The following ERI3 variants were observed in gnomAD, a reference collection of about 807,000 sequenced individuals.
The protein encoded by ERI3 is ERI1 exoribonuclease family member 3, also known as ERI1 exoribonuclease 3.
A neutral mutation model predicts 44.4 loss-of-function variants in ERI3; 18 were observed. That is an observed-to-expected ratio of 0.41 (90% CI 0.28 to 0.60). ERI3 has a LOEUF of 0.60. Ranked by LOEUF, ERI3 falls within the 20% of genes least tolerant of loss-of-function variation. The probability of loss-of-function intolerance (pLI) is 0.36; values close to 1 mark genes in which losing one functional copy is unlikely to be tolerated. For synonymous variants in ERI3, 183 were observed against 164.8 expected (o/e 1.11, Z -0.84); for missense variants, 294 against 435.5 (o/e 0.68, Z 2.89).
chr1:44,230,821 G>C (rs1279788008), intron 8 of ERI3, among the ~76,000 whole-genome samples: 1 of 152,122 alleles, frequency 6.6e-6, no homozygotes, highest in Admixed American at 6.5e-5. Context: ...CTTCTCCATT[G>C]TATCTAATTT....
intron 8 of ERI3, among the ~76,000 whole-genome samples, chr1:44,225,349 C>T (rs1240462430): frequency 6.6e-6 from 1 of 152,178 alleles, no homozygotes; most frequent in Admixed American, 6.5e-5. Context: ...CCTCAGCTCA[C>T]TGCAACCTCT....
chr1:44,247,901 T>C, intron 8 of ERI3, 38 bp downstream of exon 8: 8 of 1,554,098 alleles, frequency 5.1e-6, no homozygotes, highest in Non-Finnish European at 7.0e-6. Context: ...CAAGGGACGA[T>C]GGATGGAGCT....
intron 6 of ERI3, among the ~76,000 whole-genome samples, chr1:44,289,185 G>C (rs2154323823): frequency 6.6e-6 from 1 of 152,340 alleles, no homozygotes; most frequent in South Asian, 2.1e-4. Flanking sequence ...CCATAAAAAG[G>C]AATGAGATTT....
chr1:44,347,498 C>G (rs892385295), intron 2 of ERI3, among the ~76,000 whole-genome samples: 1 of 152,132 alleles, frequency 6.6e-6, no homozygotes. Flanking sequence ...AAACGCTGCT[C>G]CCTATTTTGG....
intron 4 of ERI3, 124 bp from the exon 5 acceptor site, chr1:44,313,352 T>C: frequency 2.4e-6 from 2 of 838,232 alleles, no homozygotes; most frequent in South Asian, 1.6e-5. Flanking sequence ...GGCACTGCTT[T>C]AGGTTCAGAG....
At chr1:44,338,499 C>T (rs1373657382) in intron 3 of ERI3, among the ~76,000 whole-genome samples, 1 of 152,212 alleles carries the variant, frequency 6.6e-6, no homozygotes, top group Non-Finnish European at 1.5e-5. Context: ...AGTGTCCTGG[C>T]AGCATGACAG....
chr1:44,298,511 A>G (rs1330142400), intron 6 of ERI3, among the ~76,000 whole-genome samples: 1 of 152,262 alleles, frequency 6.6e-6, no homozygotes, highest in Non-Finnish European at 1.5e-5. Context: ...AAAAGAATAA[A>G]TAAAATGTAG....
intron 3 of ERI3, among the ~76,000 whole-genome samples, chr1:44,333,436 C>A (rs990129529): frequency 8.5e-5 from 13 of 152,210 alleles, no homozygotes; most frequent in African/African-American, 2.7e-4. Context: ...CCATCCCTCC[C>A]CACTGGAGGA....
At chr1:44,304,511 T>C (rs942307645) in intron 6 of ERI3, among the ~76,000 whole-genome samples, 2 of 152,144 alleles carry the variant, frequency 1.3e-5, no homozygotes, top group Admixed American at 1.3e-4. Context: ...TGTTGAGCAA[T>C]GCCAAGAGGA....
chr1:44,341,292 A>C (rs938666390), intron 2 of ERI3, among the ~76,000 whole-genome samples: 2 of 152,232 alleles, frequency 1.3e-5, no homozygotes, highest in African/African-American at 4.8e-5. Flanking sequence ...GAACAAAATG[A>C]GACAACACAT....
chr1:44,280,526 TTTA>T (rs1645264416), intron 7 of ERI3, among the ~76,000 whole-genome samples: 1 of 152,200 alleles, frequency 6.6e-6, no homozygotes, highest in Non-Finnish European at 1.5e-5. Flanking sequence ...GGTGATATTT[TTTA>T]TTATCACAAC....
chr1:44,306,415 C>T (rs562644087), intron 6 of ERI3, among the ~76,000 whole-genome samples: 4 of 152,140 alleles, frequency 2.6e-5, no homozygotes, highest in South Asian at 2.1e-4. Context: ...GGTGCGGATG[C>T]GGTAAGGTAT....
intron 6 of ERI3, among the ~76,000 whole-genome samples, chr1:44,288,238 A>G (rs965501432): frequency 1.2e-4 from 18 of 152,166 alleles, no homozygotes; most frequent in African/African-American, 3.9e-4. Flanking sequence ...ACTGATGCAC[A>G]TGGGGGTTAG....
At chr1:44,342,850 T>TATATAA in intron 2 of ERI3, among the ~76,000 whole-genome samples, 2 of 34,866 alleles carry the variant, frequency 5.7e-5, no homozygotes. Context: ...TATATATATA[T>TATATAA]ATATATATTT....
chr1:44,257,762 A>G (rs908628846), intron 7 of ERI3, among the ~76,000 whole-genome samples: 4 of 152,168 alleles, frequency 2.6e-5, no homozygotes, highest in Admixed American at 1.3e-4. Flanking sequence ...CACCAGGTCC[A>G]GCAGCTGTGA....
intron 2 of ERI3, among the ~76,000 whole-genome samples, chr1:44,344,276 T>TAAATAAATAAAA (rs1384003455): frequency 3.4e-5 from 5 of 149,232 alleles, no homozygotes; most frequent in African/African-American, 1.2e-4. Context: ...AATAAATAAA[T>TAAATAAATAAAA]AAAATTGTTT....
chr1:44,336,214 T>C (rs1646533324), intron 3 of ERI3, among the ~76,000 whole-genome samples: 1 of 152,226 alleles, frequency 6.6e-6, no homozygotes, highest in African/African-American at 2.4e-5. Flanking sequence ...CGGACCTATG[T>C]TGACCTCAAT....
chr1:44,345,383 C>T lies in ERI3; in HGVS notation c.212-6061G>A, dbSNP rs114840218. Among the ~76,000 whole-genome samples the T allele has an allele frequency of 2.7e-3, 405 of 152,320 alleles. 1 individual carries two copies. Among genetic ancestry groups the T allele is most frequent in the African/African-American group, 8.8e-3 (364 of 41,574 alleles). On this transcript the variant is annotated intron_variant, in intron 2 of 8. Coordinates refer to ENST00000372257, the MANE Select transcript of ERI3 (RefSeq NM_024066.3). ...GGGATGGTGTATGTTTATACCACCC[C>T]TGGATTCAATTCATTCCATTAAAAG...
intron 3 of ERI3, among the ~76,000 whole-genome samples, chr1:44,337,898 C>T (rs1191895416): frequency 6.6e-6 from 1 of 152,138 alleles, no homozygotes; most frequent in Non-Finnish European, 1.5e-5. Flanking sequence ...CCCAGAGCAA[C>T]ATGTCTATGC....
Sources: allele counts gnomAD v4.1 joint callset (sites outside exome capture counted in the v4.1 genomes callset), GRCh38; gene constraint gnomAD v4.1.1; transcripts MANE v1.5; gene names NCBI Gene and HGNC (gene_info 2026-07-23, HGNC 2026-07-21).